CACNA1I: variants seen among roughly 807,000 people sequenced by gnomAD.
CACNA1I encodes the protein voltage-dependent T-type calcium channel subunit alpha-1I.
CACNA1I carries 74 observed loss-of-function variants against 201.6 expected under a neutral mutation model. The observed-to-expected ratio is 0.37, with a 90% CI of 0.30 to 0.45. The LOEUF (loss-of-function observed/expected upper bound fraction) is 0.45, where lower values mean the gene tolerates loss of function less well. Ranked by LOEUF, CACNA1I falls within the 20% of genes least tolerant of loss-of-function variation. The probability of loss-of-function intolerance (pLI) is 1.00; values close to 1 mark genes in which losing one functional copy is unlikely to be tolerated. For synonymous variants in CACNA1I, 1,431 were observed against 1,345.2 expected, an observed-to-expected ratio of 1.06 and a Z score of -1.40; for missense variants, 2,346 against 3,138.1, an observed-to-expected ratio of 0.75 and a Z score of 6.03.
intron 10 of CACNA1I, among the ~76,000 whole-genome samples, chr22:39,653,080 C>T (rs533595443): frequency 1.4e-5 from 2 of 146,818 alleles, no homozygotes; most frequent in East Asian, 1.9e-4. Flanking sequence ...TGTGGGTGCA[C>T]GGAGCCCCCC....
At chr22:39,578,010 GCAGCTGTGTGTA>G (rs71799331) in intron 1 of CACNA1I, among the ~76,000 whole-genome samples, 93,151 of 151,922 alleles carry the variant, frequency 0.61, 30,378 homozygotes, top group African/African-American at 0.83. Context: ...GTGCTGAGTG[GCAGCTGTGTGTA>G]CACTGGAGCT....
chr22:39,669,517 ATGGATGGATGGG>A (rs1260861339), intron 24 of CACNA1I, among the ~76,000 whole-genome samples: 1 of 150,800 alleles, frequency 6.6e-6, no homozygotes, highest in East Asian at 2.0e-4. Context: ...GGATGGGTGA[ATGGATGGATGGG>A]TGGATGGATG....
Position 39,686,342 on chromosome 22 carries a change from C to T in CACNA1I, c.6609C>T (p.Pro2203=). 1 of 1,313,738 alleles carries T rather than the reference C, an allele frequency of 7.6e-7. No individual in the cohort carries two copies. The highest frequency in any genetic ancestry group is 9.7e-7 in the Non-Finnish European group (1 of 1,029,720). 81.4% of individuals were successfully genotyped at this position (1,313,738 alleles called of 1,614,324 possible). A position where few individuals can be genotyped will look rare whatever the true frequency, so the allele number is the denominator to read the frequency against. ...PLPMGLGPLA[P]PPQPLPGELE... ...CCATGGGCCTGGGCCCCTTGGCGCC[C>T]CCGCCGCAACCGCTCCCCGGAGAGC... Residue 2203 remains proline (P), a synonymous_variant, in exon 37 of 37, where the codon CCC becomes CCT. Transcript: ENST00000402142.
At chr22:39,623,119 G>T (rs930430127) in intron 4 of CACNA1I, among the ~76,000 whole-genome samples, 1 of 152,242 alleles carries the variant, frequency 6.6e-6, no homozygotes, top group South Asian at 2.1e-4. Context: ...GACGGGACAC[G>T]GGCGGAGGCC....
At chr22:39,683,891 G>C (rs1935776307) in intron 35 of CACNA1I, among the ~76,000 whole-genome samples, 1 of 152,200 alleles carries the variant, frequency 6.6e-6, no homozygotes, top group South Asian at 2.1e-4. Context: ...CCCATGGTGG[G>C]GTCAGGACCT....
intron 33 of CACNA1I, among the ~76,000 whole-genome samples, chr22:39,680,090 G>A (rs1010314406): frequency 1.3e-5 from 2 of 152,198 alleles, no homozygotes; most frequent in African/African-American, 2.4e-5. Context: ...GCACCATGCC[G>A]CACACAGTAG....
intron 10 of CACNA1I, among the ~76,000 whole-genome samples, chr22:39,657,020 T>C (rs1413107914): frequency 6.6e-6 from 1 of 152,022 alleles, no homozygotes; most frequent in African/African-American, 2.4e-5. Context: ...CTTGGATGAA[T>C]TGGTTCCTCA....
At chr22:39,581,477 G>A (rs544324052) in intron 1 of CACNA1I, among the ~76,000 whole-genome samples, 7 of 152,278 alleles carry the variant, frequency 4.6e-5, no homozygotes, top group Non-Finnish European at 1.0e-4. Flanking sequence ...CAGCTGAGCC[G>A]GCCCTGAGTC....
Position 39,685,899 on chromosome 22 carries a change from C to G in CACNA1I, c.6166C>G (p.Arg2056Gly). The G allele has an allele frequency of 7.1e-7, 1 of 1,404,674 alleles. No individual in the cohort carries two copies. Among genetic ancestry groups the G allele is most frequent in the African/African-American group, 1.5e-5 (1 of 66,438 alleles). The allele number at this position is 1,404,674 out of a possible 1,614,324, so 87.0% of individuals were successfully genotyped here. ...LGPPAPAPGP[R>G]AGLSPAARRR... The stretch of plus-strand genomic sequence containing the variant: ...GCCGCCCGCGCCTGCTCCAGGACCC[C>G]GGGCCGGCCTGTCCCCCGCCGCTCG... Residue 2056 changes from arginine to glycine, a missense_variant, in exon 37 of 37, where the codon CGG (arginine) becomes GGG (glycine). Arg to Gly is a moderately radical substitution (Grantham distance 125, BLOSUM62 -2). This residue lies in a region of CACNA1I where 441 missense variants were observed against 555.6 expected (regional missense o/e 0.79). Coordinates refer to ENST00000402142, the MANE Select transcript of CACNA1I (RefSeq NM_021096.4). The surrounding 1 kb of genome is among the most constrained non-coding windows in gnomAD (Gnocchi z 5.0).
rs112373519 is a variant in CACNA1I at position 39,678,437 on chromosome 22, G to A, written c.5055+329G>A. Among the ~76,000 whole-genome samples the A allele has an allele frequency of 3.8e-3, 580 of 152,328 alleles. 5 individuals are homozygous for A. Among genetic ancestry groups the A allele is most frequent in the African/African-American group, 0.013 (560 of 41,574 alleles). On this transcript the variant is annotated intron_variant, in intron 31 of 36. Coordinates refer to ENST00000402142, the MANE Select transcript of CACNA1I (RefSeq NM_021096.4). ...GGCCAGGCCCCCTAGTGATTTCCAC[G>A]CTGACCAGGTCACCCGGCAGAGGCT...
At chr22:39,683,494 C>A (rs1349621641) in intron 35 of CACNA1I, among the ~76,000 whole-genome samples, 25 of 152,230 alleles carry the variant, frequency 1.6e-4, no homozygotes, top group African/African-American at 5.8e-4. Context: ...GGGCACAGGG[C>A]TGACCCGAGA....
At position 39,662,299 on chromosome 22, in the gene CACNA1I, G is replaced by C; in HGVS notation, c.3236G>C (p.Arg1079Pro). 1 of 1,498,552 alleles carries C rather than the reference G, an allele frequency of 6.7e-7. No individual in the cohort carries two copies. Among genetic ancestry groups the C allele is most frequent in the Non-Finnish European group, 8.8e-7 (1 of 1,130,910 alleles). 92.8% of individuals were successfully genotyped at this position (1,498,552 alleles called of 1,614,324 possible). A position where few individuals can be genotyped will look rare whatever the true frequency, so the allele number is the denominator to read the frequency against. Residue 1079 changes from arginine (R) to proline (P), a missense_variant, in exon 17 of 37, where the codon CGG becomes CCG. Around this residue, in one of 13 missense-constraint regions of CACNA1I, gnomAD observed 288 missense variants for 255.2 expected, o/e 1.13. Transcript: ENST00000402142. ...GTGCCCGCGGTGGGCGCCCACCCCC[G>C]GGCCGCCTGGAGGGCGGCAGGCCCG... Reference protein sequence around the residue: ...ELVPAVGAHPRAAWRAAGPAP... With the variant: ...ELVPAVGAHPPAAWRAAGPAP...
At position 39,680,003 on chromosome 22, in the gene CACNA1I, A is replaced by G; in HGVS notation, c.5541+135A>G. On this transcript the variant is annotated intron_variant, in intron 33 of 36. Transcript: ENST00000402142. ...GTCAACGTGGGCACACGTAGCTTCC[A>G]TGGCTGGGGCAGATTGGCTCCCTGA... The G allele has an allele frequency of 3.4e-6, 3 of 887,958 alleles. No individual in the cohort carries two copies. In the South Asian group the frequency reaches 5.2e-5, roughly 16 times the overall value. 55.0% of individuals were successfully genotyped at this position (887,958 alleles called of 1,614,324 possible). A position where few individuals can be genotyped will look rare whatever the true frequency, so the allele number is the denominator to read the frequency against.
chr22:39,570,855 C>T lies in CACNA1I; in HGVS notation c.103C>T (p.Pro35Ser). The change falls in exon 1 of 37, where the codon CCG becomes TCG. Residue 35 changes from proline (P) to serine (S), a missense_variant. Pro to Ser is a moderately conservative substitution (Grantham distance 74, BLOSUM62 -1). Around this residue, in one of 13 missense-constraint regions of CACNA1I, gnomAD observed 130 missense variants for 160.7 expected, o/e 0.81. Transcript: ENST00000402142. Reference protein sequence around the residue: ...QPGPRSPPSSPPGLEEPLDGA... With the variant: ...QPGPRSPPSSSPGLEEPLDGA... ...CGGACCCCGGAGCCCCCCATCCTCC[C>T]CGCCAGGCCTGGAGGAGCCTCTGGA... The T allele has an allele frequency of 1.9e-6, 3 of 1,613,498 alleles. No homozygotes were observed. Among genetic ancestry groups the T allele is most frequent in the Non-Finnish European group, 2.5e-6 (3 of 1,179,660 alleles).
intron 3 of CACNA1I, among the ~76,000 whole-genome samples, chr22:39,610,478 C>T (rs979586474): frequency 2.0e-5 from 3 of 152,154 alleles, no homozygotes. Flanking sequence ...TGTGGAGGCT[C>T]GTTTCCATGG....
rs527277331 is a variant in CACNA1I, at chr22:39,623,736, G to A, written c.580+4329G>A. On this transcript the variant is annotated intron_variant, in intron 4 of 36. Coordinates refer to ENST00000402142, the MANE Select transcript of CACNA1I (RefSeq NM_021096.4). The stretch of plus-strand genomic sequence containing the variant: ...GAGGAGGTGTGTTATGAAAGTATGC[G>A]TGCCTGTGAACATGCGTGTGTCTAT... 7.4e-5 allele frequency among the ~76,000 whole-genome samples: 11 copies of A among 149,584 alleles called. No homozygotes were observed. The East Asian group carries it at 2.0e-3, about 27-fold the overall frequency.
intron 3 of CACNA1I, among the ~76,000 whole-genome samples, chr22:39,608,828 A>G (rs1933298959): frequency 6.6e-6 from 1 of 152,122 alleles, no homozygotes; most frequent in Admixed American, 6.5e-5. Flanking sequence ...TCAAAAAAAA[A>G]GAAAAGAGAA....
Position 39,649,627 on chromosome 22 carries a change from C to A in CACNA1I, c.1694C>A (p.Ser565Ter). 6.5e-7 allele frequency: 1 copy of A among 1,529,214 alleles called. No individual in the cohort carries two copies. The highest frequency in any genetic ancestry group is 2.0e-5 in the Admixed American group (1 of 49,166). The allele number at this position is 1,529,214 out of a possible 1,614,324, so 94.7% of individuals were successfully genotyped here. Residue 565 changes from serine (S) to a stop codon, truncating the protein, a stop_gained, in exon 10 of 37, where the codon TCG becomes TAG. Coordinates refer to ENST00000402142, the MANE Select transcript of CACNA1I (RefSeq NM_021096.4). LOFTEE classifies it high-confidence loss of function. This position sits in a 1 kb window ranked among gnomAD's most constrained non-coding sequence, Gnocchi z 7.3. ...CAGCATGAGGACGGCCGGCGGCCCTCGGGCCTGGGCAGCACCGACTCGGGC... is the reference window on the plus strand; with the variant it reads ...CAGCATGAGGACGGCCGGCGGCCCTAGGGCCTGGGCAGCACCGACTCGGGC... ...CCQHEDGRRP[S>*]GLGSTDSGQE...
At chr22:39,618,571 G>C (rs181139885) in intron 3 of CACNA1I, among the ~76,000 whole-genome samples, 370 of 152,174 alleles carry the variant, frequency 2.4e-3, no homozygotes, top group Non-Finnish European at 3.8e-3. Context: ...GCAGCGGGAG[G>C]GGGTGGCAGC....
Sources: allele counts gnomAD v4.1 joint callset (sites outside exome capture counted in the v4.1 genomes callset), GRCh38; gene constraint gnomAD v4.1.1; regional missense constraint gnomAD v4.1.1; non-coding constraint Gnocchi (gnomAD v3.1); transcripts MANE v1.5; gene names NCBI Gene and HGNC (gene_info 2026-07-23, HGNC 2026-07-21).